The following SMAD6 variants were observed in gnomAD, a reference collection of about 807,000 sequenced individuals.
The protein encoded by SMAD6 is SMAD family member 6, also known as MAD homolog 6.
SMAD6 carries 103 observed loss-of-function variants against 39.4 expected under a neutral mutation model. That is an observed-to-expected ratio of 2.62 (90% CI 2.23 to 3.08). The LOEUF is 3.08. SMAD6 is among the 30% of genes most tolerant of loss of function. The pLI, the probability that SMAD6 is intolerant of heterozygous loss-of-function variation, is 0.00. For missense variants in SMAD6, 1,104 were observed against 742.9 expected, an observed-to-expected ratio of 1.49 and a Z score of -5.65; for synonymous variants, 445 against 353.3, an observed-to-expected ratio of 1.26 and a Z score of -2.91.
chr15:66,748,048 A>T (rs1307449658), intron 3 of SMAD6, among the ~76,000 whole-genome samples: 1 of 152,204 alleles, frequency 6.6e-6, no homozygotes, highest in Non-Finnish European at 1.5e-5. Context: ...GGCTCCATAA[A>T]TCATCCTAAG....
chr15:66,703,751 C>T lies in SMAD6; in HGVS notation c.493C>T (p.Leu165=). 1 of 1,391,446 alleles carries T rather than the reference C, an allele frequency of 7.2e-7. No homozygotes were observed. The highest frequency in any genetic ancestry group is 9.4e-7 in the Non-Finnish European group (1 of 1,059,764). The allele number at this position is 1,391,446 out of a possible 1,614,324, so 86.2% of individuals were successfully genotyped here. A position where few individuals can be genotyped will look rare whatever the true frequency, so the allele number is the denominator to read the frequency against. ...GGRSREARSR[L]LLLEQELKTV... ...GCGGAGTCGCGAAGCGCGCTCGCGGCTGCTGCTGCTGGAGCAGGAACTCAA... is the reference window on the plus strand; with the variant it reads ...GCGGAGTCGCGAAGCGCGCTCGCGGTTGCTGCTGCTGGAGCAGGAACTCAA... The change falls in exon 1 of 4, where the codon CTG becomes TTG. Residue 165 remains leucine (L), a synonymous_variant. Coordinates refer to ENST00000288840, the MANE Select transcript of SMAD6 (RefSeq NM_005585.5).
chr15:66,737,628 G>T (rs964789173), intron 3 of SMAD6, among the ~76,000 whole-genome samples: 4 of 151,864 alleles, frequency 2.6e-5, no homozygotes, highest in African/African-American at 9.7e-5. Flanking sequence ...TTCCTCCTTG[G>T]CATATAAGTT....
chr15:66,781,048 C>A lies in SMAD6; in HGVS notation c.1004C>A (p.Ala335Glu), dbSNP rs900988907. Residue 335 changes from alanine (A) to glutamate (E), a missense_variant, in exon 4 of 4, where the codon GCG (alanine) becomes GAG (glutamate). Physicochemically the swap from Ala to Glu is moderately radical, Grantham distance 107. Transcript: ENST00000288840. ...ATKPSHWCSVAYWEHRTRVGR... is the reference protein window; with the variant it reads ...ATKPSHWCSVEYWEHRTRVGR... ...AAGCCGAGCCACTGGTGCAGCGTGG[C>A]GTACTGGGAGCACCGGACGCGCGTG... The A allele has an allele frequency of 1.2e-6, 2 of 1,601,564 alleles. No individual in the cohort carries two copies. The highest frequency in any genetic ancestry group is 8.5e-7 in the Non-Finnish European group (1 of 1,178,022).
intron 3 of SMAD6, among the ~76,000 whole-genome samples, chr15:66,746,017 G>A (rs564289583): frequency 1.2e-4 from 19 of 152,308 alleles, no homozygotes; most frequent in African/African-American, 4.1e-4. Flanking sequence ...GTGTACTAGT[G>A]CCTCGCTGGT....
At chr15:66,722,142 C>T (rs1013124976) in intron 3 of SMAD6, among the ~76,000 whole-genome samples, 8 of 152,092 alleles carry the variant, frequency 5.3e-5, no homozygotes, top group African/African-American at 1.7e-4. Flanking sequence ...CCAAACATGC[C>T]GAGTGGACAT....
intron 3 of SMAD6, among the ~76,000 whole-genome samples, chr15:66,752,882 G>A (rs1413711018): frequency 6.6e-6 from 1 of 152,212 alleles, no homozygotes; most frequent in Admixed American, 6.5e-5. Context: ...GCCTAGGTAA[G>A]TGTGGGAAGG....
intron 3 of SMAD6, among the ~76,000 whole-genome samples, chr15:66,750,809 G>C (rs778346519): frequency 1.3e-5 from 2 of 152,152 alleles, no homozygotes; most frequent in Non-Finnish European, 2.9e-5. Flanking sequence ...GAGGGAGCTG[G>C]GATATTAATC....
chr15:66,771,358 G>C (rs1041017742), intron 3 of SMAD6, among the ~76,000 whole-genome samples: 3 of 152,220 alleles, frequency 2.0e-5, no homozygotes, highest in African/African-American at 7.2e-5. Flanking sequence ...TTTGAATACT[G>C]CAAGAGATAA....
chr15:66,779,488 C>T (rs781126563), intron 3 of SMAD6, among the ~76,000 whole-genome samples: 22 of 152,202 alleles, frequency 1.4e-4, no homozygotes, highest in Non-Finnish European at 1.9e-4. Context: ...AAAGCCACAG[C>T]AGAGCAGTCA....
chr15:66,723,170 G>A (rs1351006621), intron 3 of SMAD6, among the ~76,000 whole-genome samples: 2 of 152,158 alleles, frequency 1.3e-5, no homozygotes, highest in South Asian at 2.1e-4. Context: ...TCATGAGGAG[G>A]GAGGGGATGG....
At chr15:66,741,691 A>G (rs1232954223) in intron 3 of SMAD6, among the ~76,000 whole-genome samples, 1 of 152,192 alleles carries the variant, frequency 6.6e-6, no homozygotes, top group Admixed American at 6.5e-5. Flanking sequence ...GGGGCAATTT[A>G]GAAAAGGGAG....
At chr15:66,710,042 AG>A (rs1467301474) in intron 1 of SMAD6, among the ~76,000 whole-genome samples, 1 of 152,196 alleles carries the variant, frequency 6.6e-6, no homozygotes, top group African/African-American at 2.4e-5. Context: ...AAGGGGTGTA[AG>A]ACAGGGCATC....
In SMAD6 at chr15:66,781,144, G is replaced by A. The variant is rs762125816; in HGVS notation, c.1100G>A (p.Cys367Tyr). 5 of 1,608,256 alleles carry A rather than the reference G, an allele frequency of 3.1e-6. No homozygotes were observed. Among genetic ancestry groups the A allele is most frequent in the Non-Finnish European group, 3.4e-6 (4 of 1,179,730 alleles). ...FYDLPQGSGF[C>Y]LGQLNLEQRS... ...GACCTACCTCAGGGCAGCGGCTTCT[G>A]CCTGGGCCAGCTCAACCTGGAGCAG... Residue 367 changes from cysteine to tyrosine, a missense_variant, in exon 4 of 4, where the codon TGC becomes TAC. Physicochemically the swap from Cys to Tyr is radical, Grantham distance 194. Coordinates refer to ENST00000288840, the MANE Select transcript of SMAD6 (RefSeq NM_005585.5).
At chr15:66,731,992 A>G (rs1893639774) in intron 3 of SMAD6, among the ~76,000 whole-genome samples, 3 of 143,032 alleles carry the variant, frequency 2.1e-5, no homozygotes, top group African/African-American at 7.9e-5. Context: ...CACCCAGGCT[A>G]GAGTGCAGTG....
chr15:66,733,161 G>A (rs1008246832), intron 3 of SMAD6, among the ~76,000 whole-genome samples: 13 of 152,100 alleles, frequency 8.5e-5, no homozygotes, highest in East Asian at 5.8e-4. Context: ...CATGGTCTAC[G>A]TGTCTATCCT....
chr15:66,703,651 GCGGGACGCCGCCGGCGCGCCC>G lies in SMAD6; in HGVS notation c.403_423del (p.Ala135_Ala141del), dbSNP rs779805606. ...CGGTGACCTGCTGTCTCTTTTCGGAGCGGGACGCCGCCGGCGCGCCCCGGGACGCCAGCGACCCCCTGGCCG... is the reference window on the plus strand; with the variant it reads ...CGGTGACCTGCTGTCTCTTTTCGGAGCGGGACGCCAGCGACCCCCTGGCCG... On this transcript the variant is annotated inframe_deletion, in exon 1 of 4. Coordinates refer to ENST00000288840, the MANE Select transcript of SMAD6 (RefSeq NM_005585.5). 9.7e-5 allele frequency: 120 copies of G among 1,232,514 alleles called. 4 individuals are homozygous for G. The highest frequency in any genetic ancestry group is 9.7e-4 in the South Asian group (24 of 24,682). 76.3% of individuals were successfully genotyped at this position (1,232,514 alleles called of 1,614,324 possible).
intron 3 of SMAD6, chr15:66,717,483 C>T (rs554701629): frequency 6.2e-5 from 28 of 450,922 alleles, no homozygotes; most frequent in Admixed American, 5.2e-4. Flanking sequence ...ACTGTTTTGT[C>T]CCCCACTTTT....
At chr15:66,760,051 C>T (rs1248876258) in intron 3 of SMAD6, among the ~76,000 whole-genome samples, 2 of 152,196 alleles carry the variant, frequency 1.3e-5, no homozygotes, top group Non-Finnish European at 2.9e-5. Flanking sequence ...GTGCCTCTGC[C>T]CATGCCGTTC....
At chr15:66,716,570 G>A in intron 3 of SMAD6, 72 bp downstream of exon 3, 1 of 1,121,992 alleles carries the variant, frequency 8.9e-7, no homozygotes, top group Non-Finnish European at 1.4e-6. Context: ...AGGGGGCTTG[G>A]TGGAAGACTT....
Sources: allele counts gnomAD v4.1 joint callset (sites outside exome capture counted in the v4.1 genomes callset), GRCh38; gene constraint gnomAD v4.1.1; transcripts MANE v1.5; gene names NCBI Gene and HGNC (gene_info 2026-07-23, HGNC 2026-07-21).